Variants in MYMX observed in about 807,000 individuals in gnomAD.
MYMX encodes the protein protein myomixer.
the MYMX span, among the ~76,000 whole-genome samples, chr6:44,204,481 G>A: frequency 3.3e-5 from 5 of 152,102 alleles, no homozygotes; most frequent in Admixed American, 1.3e-4. Context: ...TACCTCTTTG[G>A]GATATTGATT....
chr6:44,202,234 C>T, the MYMX span, among the ~76,000 whole-genome samples: 2 of 152,130 alleles, frequency 1.3e-5, no homozygotes, highest in African/African-American at 2.4e-5. Flanking sequence ...GAGCCTTGCA[C>T]GGGCTTTCAC....
chr6:44,193,270 CT>C, the MYMX span, among the ~76,000 whole-genome samples: 1 of 150,420 alleles, frequency 6.6e-6, no homozygotes, highest in African/African-American at 2.4e-5. Flanking sequence ...GTTATGTTTT[CT>C]TTTTCTTTTT....
chr6:44,198,434 G>T, the MYMX span, among the ~76,000 whole-genome samples: 1 of 151,940 alleles, frequency 6.6e-6, no homozygotes, highest in Admixed American at 6.6e-5. Context: ...CAAAGTGCTG[G>T]GATTACAGGC....
upstream of MYMX, among the ~76,000 whole-genome samples, chr6:44,212,537 C>T (rs1311344297): frequency 4.6e-5 from 7 of 151,488 alleles, no homozygotes; most frequent in Admixed American, 1.3e-4. Flanking sequence ...ATAATGTATA[C>T]ATGTATTGAA....
At chr6:44,203,891 A>G in the MYMX span, among the ~76,000 whole-genome samples, 1 of 152,138 alleles carries the variant, frequency 6.6e-6, no homozygotes, top group Non-Finnish European at 1.5e-5. Context: ...TCTGTCACCC[A>G]GGCTGGAGTG....
the MYMX span, among the ~76,000 whole-genome samples, chr6:44,211,788 T>G: frequency 3.2e-5 from 4 of 126,430 alleles, no homozygotes; most frequent in East Asian, 7.1e-4. Flanking sequence ...CAGCTAGGTT[T>G]TGTGTGTGTG....
the MYMX span, among the ~76,000 whole-genome samples, chr6:44,195,489 C>T: frequency 6.6e-6 from 1 of 151,982 alleles, no homozygotes; most frequent in Non-Finnish European, 1.5e-5. Flanking sequence ...GTGTGAGAGA[C>T]AGGGTCTCAC....
At chr6:44,196,551 C>T in the MYMX span, among the ~76,000 whole-genome samples, 2 of 151,948 alleles carry the variant, frequency 1.3e-5, no homozygotes, top group Admixed American at 6.6e-5. Flanking sequence ...TGGCGATGCA[C>T]ACCTGTAATC....
At chr6:44,205,490 C>T in the MYMX span, among the ~76,000 whole-genome samples, 1 of 151,240 alleles carries the variant, frequency 6.6e-6, no homozygotes, top group Non-Finnish European at 1.5e-5. Flanking sequence ...AAAACCCTAT[C>T]TCTACCAAAT....
At chr6:44,194,410 G>A in the MYMX span, among the ~76,000 whole-genome samples, 4 of 152,180 alleles carry the variant, frequency 2.6e-5, no homozygotes, top group Admixed American at 6.5e-5. Context: ...GCAGAGCTCC[G>A]CTGGGCACCT....
chr6:44,212,888 T>G (rs1775671874), upstream of MYMX, among the ~76,000 whole-genome samples: 4 of 149,068 alleles, frequency 2.7e-5, no homozygotes, highest in Non-Finnish European at 5.9e-5. Context: ...AAAACTTGAC[T>G]GGGCACGCAT....
chr6:44,205,438 C>T, the MYMX span, among the ~76,000 whole-genome samples: 43 of 151,930 alleles, frequency 2.8e-4, no homozygotes, highest in Non-Finnish European at 1.5e-4. Context: ...GATGGTGGAT[C>T]GCTTGAACCT....
At chr6:44,204,031 T>C in the MYMX span, among the ~76,000 whole-genome samples, 1 of 152,056 alleles carries the variant, frequency 6.6e-6, no homozygotes, top group Non-Finnish European at 1.5e-5. Flanking sequence ...GTATTTTTAA[T>C]AGAGACTGGG....
At chr6:44,212,962 A>T (rs1274330451), upstream of MYMX, among the ~76,000 whole-genome samples, 1 of 151,956 alleles carries the variant, frequency 6.6e-6, no homozygotes, top group African/African-American at 2.4e-5. Context: ...CAGAAGGTCG[A>T]GGCTGCAGTG....
At chr6:44,211,894 C>T in the MYMX span, among the ~76,000 whole-genome samples, 1 of 151,304 alleles carries the variant, frequency 6.6e-6, no homozygotes, top group Non-Finnish European at 1.5e-5. Flanking sequence ...GATCTGCCAC[C>T]TCCTCCCCCC....
the MYMX span, among the ~76,000 whole-genome samples, chr6:44,205,574 G>T: frequency 6.6e-6 from 1 of 152,072 alleles, no homozygotes; most frequent in Non-Finnish European, 1.5e-5. Flanking sequence ...ACTTTGAGAG[G>T]CCAAGGTGGG....
At chr6:44,206,498 T>C in the MYMX span, among the ~76,000 whole-genome samples, 1 of 152,176 alleles carries the variant, frequency 6.6e-6, no homozygotes, top group Non-Finnish European at 1.5e-5. Flanking sequence ...TCCCAAAGTG[T>C]TGGGGCTACA....
the MYMX span, among the ~76,000 whole-genome samples, chr6:44,205,419 G>A: frequency 1.7e-3 from 252 of 152,230 alleles, no homozygotes; most frequent in Middle Eastern, 3.4e-3. Flanking sequence ...AGCACTTTGG[G>A]AGGCTGAGGA....
upstream of MYMX, among the ~76,000 whole-genome samples, chr6:44,215,153 GATGATGACAAATGCTC>G (rs531391446): frequency 6.8e-4 from 104 of 152,310 alleles, no homozygotes; most frequent in African/African-American, 2.3e-3. Context: ...GGCTGGTGGG[GATGATGACAAATGCTC>G]ATATTCCCAA....
Sources: gnomAD v4.1 joint callset for allele counts (sites outside exome capture counted in the v4.1 genomes callset) on GRCh38, gnomAD v4.1.1 for gene constraint, MANE v1.5 for transcripts, NCBI Gene and HGNC (gene_info 2026-07-23, HGNC 2026-07-21) for gene names.